The following BCL2 variants were observed in gnomAD, a reference collection of about 807,000 sequenced individuals.
BCL2 encodes the protein BCL2 apoptosis regulator, also known as apoptosis regulator Bcl-2.
BCL2 carries 1 observed loss-of-function variant against 14.2 expected under a neutral mutation model. The ratio of observed to expected loss-of-function variants is 0.07; its 90% CI spans 0.02 to 0.33. BCL2 has a LOEUF of 0.33. BCL2 is among the 10% of genes least tolerant of loss of function. The probability of loss-of-function intolerance (pLI) is 0.99; values close to 1 mark genes in which losing one functional copy is unlikely to be tolerated. For synonymous variants in BCL2, 151 were observed against 137.2 expected (o/e 1.10, Z -0.70); for missense variants, 247 against 305.9 (o/e 0.81, Z 1.44).
At chr18:63,213,041 C>A (rs1359757710) in intron 2 of BCL2, among the ~76,000 whole-genome samples, 1 of 152,188 alleles carries the variant, frequency 6.6e-6, no homozygotes, top group Non-Finnish European at 1.5e-5. Flanking sequence ...AGTGCTGAAG[C>A]CAGAGGTGAC....
chr18:63,217,175 C>T (rs1910229687), intron 2 of BCL2, among the ~76,000 whole-genome samples: 1 of 152,162 alleles, frequency 6.6e-6, no homozygotes, highest in Admixed American at 6.5e-5. Context: ...TGAAGGCAAA[C>T]AATTTTAGTA....
intron 2 of BCL2, among the ~76,000 whole-genome samples, chr18:63,294,091 T>C (rs963072913): frequency 4.6e-5 from 7 of 152,182 alleles, no homozygotes; most frequent in Admixed American, 1.3e-4. Context: ...TCACAGAGAA[T>C]GCAATTAATA....
At chr18:63,214,683 A>ATTTCT (rs1458431863) in intron 2 of BCL2, among the ~76,000 whole-genome samples, 1 of 151,660 alleles carries the variant, frequency 6.6e-6, no homozygotes, top group Non-Finnish European at 1.5e-5. Flanking sequence ...CCTAAGGCTC[A>ATTTCT]TTTCTTTTCT....
intron 2 of BCL2, among the ~76,000 whole-genome samples, chr18:63,281,729 A>AAAGG (rs1912324920): frequency 7.3e-6 from 1 of 137,286 alleles, no homozygotes; most frequent in African/African-American, 2.6e-5. Flanking sequence ...AGAAAGAAAG[A>AAAGG]AAGAAAGAAA....
In BCL2 at chr18:63,156,866, G is replaced by A. The variant is rs180937328; in HGVS notation, c.586-28107C>T. Among the ~76,000 whole-genome samples the A allele has an allele frequency of 3.0e-4, 45 of 152,208 alleles. No individual in the cohort carries two copies. The East Asian group carries it at 4.7e-3, about 16-fold the overall frequency. On this transcript the variant is annotated intron_variant, in intron 2 of 2. Transcript: ENST00000333681. ...AGGTAGAAACGCTTGCCCAGGAGGC[G>A]TCTCTCTGGTGGAGGAGTAAACCTT...
At chr18:63,183,188 G>A (rs1290541064) in intron 2 of BCL2, among the ~76,000 whole-genome samples, 1 of 152,192 alleles carries the variant, frequency 6.6e-6, no homozygotes, top group African/African-American at 2.4e-5. Context: ...GTGCAGAAGG[G>A]GTAACAGCAA....
chr18:63,246,685 AG>A (rs1227901684), intron 2 of BCL2, among the ~76,000 whole-genome samples: 4 of 152,128 alleles, frequency 2.6e-5, no homozygotes, highest in African/African-American at 9.7e-5. Flanking sequence ...CATCCTCCCC[AG>A]TTACACCCTA....
At chr18:63,272,571 A>G (rs1292525860) in intron 2 of BCL2, among the ~76,000 whole-genome samples, 1 of 152,216 alleles carries the variant, frequency 6.6e-6, no homozygotes, top group East Asian at 1.9e-4. Flanking sequence ...ACTCAAAGAA[A>G]AAAGGGAGAT....
intron 2 of BCL2, among the ~76,000 whole-genome samples, chr18:63,288,049 G>C (rs1260713962): frequency 6.6e-6 from 1 of 152,068 alleles, no homozygotes; most frequent in African/African-American, 2.4e-5. Flanking sequence ...AGTTCATTTT[G>C]GACATTTTGA....
chr18:63,223,416 TAAAG>T (rs1222529065), intron 2 of BCL2, among the ~76,000 whole-genome samples: 7 of 140,414 alleles, frequency 5.0e-5, no homozygotes, highest in Admixed American at 3.5e-4. Flanking sequence ...AAAAAATAAA[TAAAG>T]AAGAATGTGA....
intron 2 of BCL2, among the ~76,000 whole-genome samples, chr18:63,156,142 G>C (rs958427657): frequency 2.0e-5 from 3 of 151,696 alleles, no homozygotes; most frequent in African/African-American, 7.3e-5. Flanking sequence ...GCAGGGGAGG[G>C]GGGTGTTCAA....
intron 2 of BCL2, chr18:63,302,865 T>G (rs895369931): frequency 2.0e-6 from 2 of 985,434 alleles, no homozygotes; most frequent in South Asian, 9.4e-5. Context: ...AATGTTATTA[T>G]GGAAACACTG....
At chr18:63,262,825 A>G (rs1568251138) in intron 2 of BCL2, among the ~76,000 whole-genome samples, 1 of 152,216 alleles carries the variant, frequency 6.6e-6, no homozygotes, top group Non-Finnish European at 1.5e-5. Flanking sequence ...GCTGTCCCCA[A>G]ATAAAGAACT....
chr18:63,127,341 C>G lies in BCL2; in HGVS notation c.*1284G>C. The G allele has an allele frequency of 4.3e-6, 1 of 232,946 alleles. No individual in the cohort carries two copies. Among genetic ancestry groups the G allele is most frequent in the Non-Finnish European group, 8.5e-6 (1 of 117,764 alleles). The allele number at this position is 232,946 out of a possible 1,614,324, so 14.4% of individuals were successfully genotyped here. A position where few individuals can be genotyped will look rare whatever the true frequency, so the allele number is the denominator to read the frequency against. ...CCATTGCCTCTCCTCACGTTCCCAGCCTTCACCATGTCCTTCTGATAGGAA... is the reference window on the plus strand; with the variant it reads ...CCATTGCCTCTCCTCACGTTCCCAGGCTTCACCATGTCCTTCTGATAGGAA... On this transcript the variant is annotated 3_prime_UTR_variant, in exon 3 of 3. Coordinates refer to ENST00000333681, the MANE Select transcript of BCL2 (RefSeq NM_000633.3).
Position 63,318,994 on chromosome 18 carries a change from A to G in BCL2, c.-286-42T>C. 1.6e-6 allele frequency: 2 copies of G among 1,240,672 alleles called. No individual in the cohort carries two copies. Among genetic ancestry groups the G allele is most frequent in the South Asian group, 2.0e-5 (1 of 49,008 alleles). 76.9% of individuals were successfully genotyped at this position (1,240,672 alleles called of 1,614,324 possible). A position where few individuals can be genotyped will look rare whatever the true frequency, so the allele number is the denominator to read the frequency against. ...AAAACAAACTAATAAGTAAAAAATC[A>G]GGTGCGTTTCCCTGTACACACTGAG... On this transcript the variant is annotated intron_variant, in intron 1 of 2. Transcript: ENST00000333681. This position sits in a 1 kb window ranked among gnomAD's most constrained non-coding sequence, Gnocchi z 7.4.
chr18:63,201,352 A>T (rs954240616), intron 2 of BCL2, among the ~76,000 whole-genome samples: 1 of 151,998 alleles, frequency 6.6e-6, no homozygotes, highest in Non-Finnish European at 1.5e-5. Context: ...CATCCTTATA[A>T]CCCTCCCTTT....
rs2144630946 is a variant in BCL2, at chr18:63,171,018, A to T, written c.586-42259T>A. 2.0e-5 allele frequency among the ~76,000 whole-genome samples: 3 copies of T among 152,376 alleles called. No homozygotes were observed. In the Middle Eastern group the frequency reaches 0.01, roughly 518 times the overall value. On this transcript the variant is annotated intron_variant, in intron 2 of 2. Transcript: ENST00000333681. ...AGAAAAGGAACGATTTATTTTTGAA[A>T]TAATGCTAGTAAAATATATAAATTC... is the stretch of plus-strand genomic sequence containing the variant.
intron 2 of BCL2, among the ~76,000 whole-genome samples, chr18:63,210,256 A>C (rs1181066619): frequency 6.6e-6 from 1 of 152,242 alleles, no homozygotes; most frequent in Non-Finnish European, 1.5e-5. Flanking sequence ...ACAAGGGACG[A>C]AAAGCAAATG....
At chr18:63,271,337 T>G (rs941077042) in intron 2 of BCL2, among the ~76,000 whole-genome samples, 2 of 152,146 alleles carry the variant, frequency 1.3e-5, no homozygotes, top group Non-Finnish European at 2.9e-5. Context: ...CTTCTCCAGA[T>G]GAATGACAAA....
Sources: allele counts gnomAD v4.1 joint callset (sites outside exome capture counted in the v4.1 genomes callset), GRCh38; gene constraint gnomAD v4.1.1; non-coding constraint Gnocchi (gnomAD v3.1); transcripts MANE v1.5; gene names NCBI Gene and HGNC (gene_info 2026-07-23, HGNC 2026-07-21).